Variants in BCAR3 observed in about 807,000 individuals in gnomAD.
BCAR3 encodes breast cancer anti-estrogen resistance protein 3.
BCAR3 carries 37 observed loss-of-function variants against 80.1 expected under a neutral mutation model. The ratio of observed to expected loss-of-function variants is 0.46; its 90% CI spans 0.36 to 0.61. The LOEUF (loss-of-function observed/expected upper bound fraction) is 0.61. BCAR3 is among the 20% of genes least tolerant of loss of function. The pLI is 0.00. For synonymous variants in BCAR3, 389 were observed against 418.9 expected (o/e 0.93, Z 0.87); for missense variants, 978 against 1,068.2 (o/e 0.92, Z 1.18).
intron 3 of BCAR3, among the ~76,000 whole-genome samples, chr1:93,626,338 T>C (rs1036262106): frequency 3.3e-5 from 5 of 152,154 alleles, no homozygotes; most frequent in Non-Finnish European, 5.9e-5. Context: ...GAAATAAATA[T>C]GGATTTAGAT....
intron 1 of BCAR3, chr1:93,846,987 C>CCT: frequency 5.2e-6 from 1 of 192,612 alleles, no homozygotes; most frequent in Non-Finnish European, 9.9e-6. Flanking sequence ...GCGGCGCTCG[C>CCT]GCGCAGGTCC....
chr1:93,742,084 A>C (rs142758232), intron 2 of BCAR3, among the ~76,000 whole-genome samples: 1 of 152,200 alleles, frequency 6.6e-6, no homozygotes, highest in Non-Finnish European at 1.5e-5. Context: ...TGGCATCTCC[A>C]AACAGTGTTC....
intron 3 of BCAR3, among the ~76,000 whole-genome samples, chr1:93,630,004 A>C (rs1675564521): frequency 6.6e-6 from 1 of 152,210 alleles, no homozygotes; most frequent in Admixed American, 6.5e-5. Flanking sequence ...TGCTTTGCAA[A>C]ATATAAAATT....
intron 3 of BCAR3, among the ~76,000 whole-genome samples, chr1:93,597,201 T>A (rs112520639): frequency 7.2e-5 from 11 of 152,232 alleles, no homozygotes; most frequent in African/African-American, 2.7e-4. Flanking sequence ...CCCACTCACA[T>A]GGCCCCACTT....
rs901486610 is a variant in BCAR3 at position 93,819,177 on chromosome 1, C to T, written c.-63+26390G>A. On this transcript the variant is annotated intron_variant, in intron 2 of 13. Coordinates refer to the BCAR3 transcript ENST00000370244. The stretch of plus-strand genomic sequence containing the variant: ...CGCCTCCCCGGTTCAAGCCATTCTC[C>T]CGCCTCAGGCTCCCAAGTAGCTGGG... Among the ~76,000 whole-genome samples, 4 of 152,084 alleles carry T rather than the reference C, an allele frequency of 2.6e-5. No individual in the cohort carries two copies. The South Asian group carries it at 8.3e-4, about 31-fold the overall frequency.
chr1:93,759,843 C>T (rs1242929015), intron 2 of BCAR3, among the ~76,000 whole-genome samples: 1 of 152,166 alleles, frequency 6.6e-6, no homozygotes, highest in Non-Finnish European at 1.5e-5. Context: ...CTTTTAGGTC[C>T]CACTGTCTAC....
In BCAR3 at chr1:93,704,919, C is replaced by T. The variant is rs1649781744; in HGVS notation, c.-12+1173G>A. Reference sequence around the variant, plus strand: ...CTTTTTCCTAAGACAAAAGTACACACACATTCCTAAGAGTTAGTTGCTCCA... The same window carrying T: ...CTTTTTCCTAAGACAAAAGTACACATACATTCCTAAGAGTTAGTTGCTCCA... On this transcript the variant is annotated intron_variant, in intron 3 of 13. Coordinates refer to the BCAR3 transcript ENST00000370244. Among the ~76,000 whole-genome samples the T allele has an allele frequency of 2.0e-5, 3 of 152,334 alleles. No individual in the cohort carries two copies. The South Asian group carries it at 6.2e-4, about 32-fold the overall frequency.
intron 7 of BCAR3, among the ~76,000 whole-genome samples, chr1:93,578,386 G>T (rs12732557): frequency 0.16 from 24,941 of 152,226 alleles, 2,246 homozygotes; most frequent in Non-Finnish European, 0.2. Flanking sequence ...CCCAGAAGTA[G>T]AGACTTAGAA....
chr1:93,564,520 C>T (rs953871333), intron 11 of BCAR3, among the ~76,000 whole-genome samples: 9 of 152,032 alleles, frequency 5.9e-5, no homozygotes, highest in African/African-American at 1.2e-4. Flanking sequence ...TCAGGTGATC[C>T]GCCTGCCTCA....
At chr1:93,679,625 G>T (rs1648660774) in intron 1 of BCAR3, among the ~76,000 whole-genome samples, 1 of 152,204 alleles carries the variant, frequency 6.6e-6, no homozygotes, top group African/African-American at 2.4e-5. Context: ...TCTGCATCTT[G>T]ATATGAAAAT....
At chr1:93,778,722 T>G (rs1347040397) in intron 2 of BCAR3, among the ~76,000 whole-genome samples, 2 of 152,238 alleles carry the variant, frequency 1.3e-5, no homozygotes, top group Non-Finnish European at 2.9e-5. Flanking sequence ...TTTTCCCTGC[T>G]GTCTACTTTT....
chr1:93,717,587 G>T (rs1338892784), intron 2 of BCAR3, among the ~76,000 whole-genome samples: 1 of 152,038 alleles, frequency 6.6e-6, no homozygotes, highest in African/African-American at 2.4e-5. Flanking sequence ...AATTAGCTGG[G>T]CATGGTGGCA....
chr1:93,616,318 T>C (rs983115629), intron 3 of BCAR3, among the ~76,000 whole-genome samples: 1 of 152,238 alleles, frequency 6.6e-6, no homozygotes, highest in African/African-American at 2.4e-5. Flanking sequence ...TTTTAATCAA[T>C]TTTCTCCTGA....
intron 2 of BCAR3, among the ~76,000 whole-genome samples, chr1:93,718,972 G>A (rs1287563367): frequency 2.0e-5 from 3 of 151,862 alleles, no homozygotes; most frequent in African/African-American, 7.3e-5. Context: ...AAAGTGTTAG[G>A]ATTACAAGTG....
rs547347657 is a variant in BCAR3 at position 93,808,773 on chromosome 1, T to C, written c.-63+36794A>G. ...TGATATGAGGATAAGATAAAGAAAA[T>C]TGGTGGGATTAAAAACAAAAGAAAA... On this transcript the variant is annotated intron_variant, in intron 2 of 13. Coordinates refer to the BCAR3 transcript ENST00000370244. 4.6e-5 allele frequency among the ~76,000 whole-genome samples: 7 copies of C among 152,078 alleles called. No homozygotes were observed. In the South Asian group the frequency reaches 1.2e-3, roughly 27 times the overall value.
intron 2 of BCAR3, among the ~76,000 whole-genome samples, chr1:93,810,778 G>T (rs2747046): frequency 0.011 from 1,691 of 152,208 alleles, 19 homozygotes; most frequent in African/African-American, 0.038. Flanking sequence ...GAATTGAGTG[G>T]GCATTTAACT....
chr1:93,599,728 G>C (rs1045183210), intron 3 of BCAR3: 6 of 152,292 alleles, frequency 3.9e-5, no homozygotes, highest in Admixed American at 2.0e-4. Flanking sequence ...CCGCATTAAA[G>C]CTCAGATGTC....
chr1:93,616,446 C>T (rs1007713101), intron 3 of BCAR3, among the ~76,000 whole-genome samples: 3 of 152,158 alleles, frequency 2.0e-5, no homozygotes, highest in African/African-American at 4.8e-5. Flanking sequence ...TGCCTATTTA[C>T]GCTGATCAAT....
chr1:93,588,872 T>C (rs1674054219), intron 5 of BCAR3, 105 bp downstream of exon 5: 1 of 1,255,892 alleles, frequency 8.0e-7, no homozygotes, highest in Admixed American at 2.6e-5. Flanking sequence ...GGCATTCCTA[T>C]TAACATCTTT....
Sources: gnomAD v4.1 joint callset for allele counts (sites outside exome capture counted in the v4.1 genomes callset) on GRCh38, gnomAD v4.1.1 for gene constraint, MANE v1.5 for transcripts, NCBI Gene and HGNC (gene_info 2026-07-23, HGNC 2026-07-21) for gene names.